Variants in AGBL1 observed in about 807,000 individuals in gnomAD.
AGBL1 encodes AGBL carboxypeptidase 1.
A neutral mutation model predicts 118.9 loss-of-function variants in AGBL1; 130 were observed. That is an observed-to-expected ratio of 1.09 (90% CI 0.95 to 1.26). The LOEUF is 1.26. Ranked by LOEUF, AGBL1 falls within the 50% of genes most tolerant of loss-of-function variation. The probability of loss-of-function intolerance (pLI) is 0.00; values close to 1 mark genes in which losing one functional copy is unlikely to be tolerated. For missense variants in AGBL1, 1,584 were observed against 1,298.1 expected, an observed-to-expected ratio of 1.22 and a Z score of -3.38; for synonymous variants, 555 against 478.9, an observed-to-expected ratio of 1.16 and a Z score of -2.08.
chr15:86,731,077 C>A (rs1297795114), intron 22 of AGBL1, among the ~76,000 whole-genome samples: 1 of 152,062 alleles, frequency 6.6e-6, no homozygotes, highest in Non-Finnish European at 1.5e-5. Flanking sequence ...GTGATCCGCC[C>A]GTCTTGGCCT....
intron 22 of AGBL1, among the ~76,000 whole-genome samples, chr15:86,724,167 C>T (rs1353048925): frequency 6.9e-6 from 1 of 143,958 alleles, no homozygotes; most frequent in African/African-American, 2.6e-5. Context: ...ATCCGGGAGG[C>T]CGAGCTTGCA....
intron 17 of AGBL1, among the ~76,000 whole-genome samples, chr15:86,343,182 T>A (rs1367727114): frequency 6.6e-6 from 1 of 152,232 alleles, no homozygotes; most frequent in Admixed American, 6.5e-5. Flanking sequence ...GAGGCTAATC[T>A]TTATGACCTG....
At chr15:86,668,814 A>T (rs1016836913) in intron 21 of AGBL1, among the ~76,000 whole-genome samples, 8 of 152,216 alleles carry the variant, frequency 5.3e-5, no homozygotes, top group African/African-American at 1.9e-4. Flanking sequence ...TAAGACCGCA[A>T]TCTGCAAAGG....
intron 21 of AGBL1, among the ~76,000 whole-genome samples, chr15:86,655,040 A>G (rs2085440694): frequency 6.6e-6 from 1 of 152,146 alleles, no homozygotes; most frequent in South Asian, 2.1e-4. Flanking sequence ...ACAGCTTGCC[A>G]GAAAAGGTGA....
chr15:86,504,259 T>G (rs1336158197), intron 18 of AGBL1, among the ~76,000 whole-genome samples: 1 of 151,634 alleles, frequency 6.6e-6, no homozygotes, highest in Non-Finnish European at 1.5e-5. Flanking sequence ...GGTTACTGTT[T>G]GCATGGTGTT....
intron 17 of AGBL1, among the ~76,000 whole-genome samples, chr15:86,323,425 A>G (rs2080135837): frequency 6.6e-6 from 1 of 152,178 alleles, no homozygotes; most frequent in Non-Finnish European, 1.5e-5. Flanking sequence ...TGAAAAAAAA[A>G]AATCAACTAA....
At chr15:86,391,121 A>G (rs2081276002) in intron 17 of AGBL1, among the ~76,000 whole-genome samples, 1 of 151,932 alleles carries the variant, frequency 6.6e-6, no homozygotes, top group South Asian at 2.1e-4. Context: ...TGACAATAAT[A>G]ATTTTATCAT....
chr15:86,889,756 T>C (rs946954691), intron 22 of AGBL1, among the ~76,000 whole-genome samples: 1 of 152,240 alleles, frequency 6.6e-6, no homozygotes, highest in Non-Finnish European at 1.5e-5. Flanking sequence ...TAGTATTACA[T>C]GGTGTACGTG....
At chr15:86,582,735 A>G (rs1037777864) in intron 21 of AGBL1, among the ~76,000 whole-genome samples, 1 of 152,082 alleles carries the variant, frequency 6.6e-6, no homozygotes, top group South Asian at 2.1e-4. Flanking sequence ...GCTGGAAACT[A>G]TCATTCTCAG....
intron 22 of AGBL1, among the ~76,000 whole-genome samples, chr15:86,773,349 T>C (rs2078208339): frequency 1.3e-5 from 2 of 151,830 alleles, no homozygotes; most frequent in Admixed American, 1.3e-4. Context: ...AGGGTTTAAG[T>C]TTCTCTCTCC....
intron 21 of AGBL1, among the ~76,000 whole-genome samples, chr15:86,562,607 T>A (rs1415051722): frequency 6.6e-6 from 1 of 152,224 alleles, no homozygotes. Context: ...AAATTCTCTT[T>A]TTTTGTTGTG....
intron 23 of AGBL1, among the ~76,000 whole-genome samples, chr15:86,936,019 C>T (rs549358296): frequency 5.1e-4 from 77 of 152,244 alleles, no homozygotes; most frequent in Non-Finnish European, 8.5e-4. Context: ...CCTGCTCCAG[C>T]AGGCAAGGCA....
At chr15:86,798,257 T>G (rs1454489862) in intron 22 of AGBL1, among the ~76,000 whole-genome samples, 1 of 152,208 alleles carries the variant, frequency 6.6e-6, no homozygotes, top group Non-Finnish European at 1.5e-5. Flanking sequence ...ACAGTCAGAT[T>G]ACCTGTGGAA....
chr15:86,659,672 A>G (rs2085510220), intron 21 of AGBL1, among the ~76,000 whole-genome samples: 1 of 152,180 alleles, frequency 6.6e-6, no homozygotes, highest in African/African-American at 2.4e-5. Flanking sequence ...AATCTTTCTT[A>G]GGTAAGTAAG....
intron 23 of AGBL1, among the ~76,000 whole-genome samples, chr15:86,930,397 C>T (rs367812981): frequency 7.9e-5 from 12 of 152,098 alleles, no homozygotes; most frequent in South Asian, 6.2e-4. Flanking sequence ...GGGACAGGGG[C>T]GGGATAGCAG....
intron 24 of AGBL1, among the ~76,000 whole-genome samples, chr15:87,008,409 C>T (rs908793723): frequency 6.6e-6 from 1 of 152,190 alleles, no homozygotes; most frequent in Non-Finnish European, 1.5e-5. Flanking sequence ...CTTGCTCCTC[C>T]TTGCCTTCCG....
chr15:86,084,874 C>T (rs1018977832), intron 1 of AGBL1, among the ~76,000 whole-genome samples: 5 of 150,826 alleles, frequency 3.3e-5, no homozygotes, highest in Non-Finnish European at 6.0e-5. Context: ...TTCATCCACC[C>T]ATCCACCTAT....
At chr15:87,026,894 C>CCAAA (rs1288288822) in intron 24 of AGBL1, among the ~76,000 whole-genome samples, 3 of 151,932 alleles carry the variant, frequency 2.0e-5, no homozygotes, top group Admixed American at 6.6e-5. Context: ...GAATGGAAAA[C>CCAAA]CAAACATTGT....
intron 17 of AGBL1, among the ~76,000 whole-genome samples, chr15:86,349,634 T>C (rs1464419799): frequency 6.6e-6 from 1 of 152,246 alleles, no homozygotes; most frequent in African/African-American, 2.4e-5. Flanking sequence ...GAACAAAAAC[T>C]GTTAGCACAC....
Sources: gnomAD v4.1 joint callset for allele counts (sites outside exome capture counted in the v4.1 genomes callset) on GRCh38, gnomAD v4.1.1 for gene constraint, MANE v1.5 for transcripts, NCBI Gene and HGNC (gene_info 2026-07-23, HGNC 2026-07-21) for gene names.